Variants in PCDHA3 observed in about 807,000 individuals in gnomAD.
PCDHA3 encodes the protein protocadherin alpha 3.
A neutral mutation model predicts 62.2 loss-of-function variants in PCDHA3; 41 were observed. The ratio of observed to expected loss-of-function variants is 0.66; its 90% CI spans 0.51 to 0.86. The LOEUF (loss-of-function observed/expected upper bound fraction) is 0.86. PCDHA3 is among the 40% of genes least tolerant of loss of function. The pLI, the probability that PCDHA3 is intolerant of heterozygous loss-of-function variation, is 0.00. For synonymous variants in PCDHA3, 640 were observed against 555.4 expected (o/e 1.15, Z -2.14); for missense variants, 1,304 against 1,241.2 (o/e 1.05, Z -0.76).
chr5:140,836,312 G>T, intron 1 of PCDHA3: 1 of 1,613,712 alleles, frequency 6.2e-7, no homozygotes, highest in Middle Eastern at 1.6e-4. Flanking sequence ...CGGACGCACC[G>T]CGCCACCGCC....
chr5:140,871,393 C>T (rs782354799), intron 1 of PCDHA3: 1 of 1,614,130 alleles, frequency 6.2e-7, no homozygotes, highest in Non-Finnish European at 8.5e-7. Context: ...GGAGGGCCCA[C>T]CTAAGACGGA....
intron 1 of PCDHA3, among the ~76,000 whole-genome samples, chr5:140,901,384 T>C (rs2068629478): frequency 6.6e-6 from 1 of 152,226 alleles, no homozygotes. Flanking sequence ...TAATTCAATA[T>C]TTGTATATGG....
intron 1 of PCDHA3, chr5:140,806,877 T>C (rs142459590): frequency 0.01 from 4,278 of 408,060 alleles, 28 homozygotes; most frequent in Non-Finnish European, 0.013. Context: ...ACCACAGTAG[T>C]ACAAAATGTA....
chr5:140,830,377 G>A, intron 1 of PCDHA3: 2 of 1,614,174 alleles, frequency 1.2e-6, no homozygotes, highest in South Asian at 1.1e-5. Flanking sequence ...GCTCCGGGGA[G>A]GGCCCACCCA....
intron 1 of PCDHA3, chr5:140,858,086 C>T (rs1554151138): frequency 6.3e-7 from 1 of 1,597,802 alleles, no homozygotes; most frequent in Admixed American, 1.7e-5. Flanking sequence ...GGCCTCGTCG[C>T]GGGCTTCAGT....
At chr5:140,850,709 G>T in intron 1 of PCDHA3, 1 of 1,598,236 alleles carries the variant, frequency 6.3e-7, no homozygotes, top group East Asian at 2.2e-5. Context: ...GCAAGCCGAC[G>T]CTGGTGTGTT....
At chr5:140,987,588 A>G (rs1479484790) in intron 3 of PCDHA3, among the ~76,000 whole-genome samples, 1 of 152,220 alleles carries the variant, frequency 6.6e-6, no homozygotes, top group Non-Finnish European at 1.5e-5. Flanking sequence ...TGGGGAGAAT[A>G]GTGGTGTCTA....
chr5:140,926,585 G>T, intron 1 of PCDHA3: 1 of 283,896 alleles, frequency 3.5e-6, no homozygotes, highest in Non-Finnish European at 6.5e-6. Flanking sequence ...CACCTCTCGC[G>T]CCCGGGCGGG....
chr5:140,821,716 A>G, intron 1 of PCDHA3: 1 of 1,489,172 alleles, frequency 6.7e-7, no homozygotes, highest in South Asian at 1.3e-5. Flanking sequence ...TGGGAATTGA[A>G]TTTACAAAAT....
At chr5:140,974,350 C>T (rs555781549) in intron 1 of PCDHA3, among the ~76,000 whole-genome samples, 1 of 152,304 alleles carries the variant, frequency 6.6e-6, no homozygotes, top group South Asian at 2.1e-4. Flanking sequence ...GCATCCAGAA[C>T]TAAACAGACC....
Position 140,803,373 on chromosome 5 carries a change from C to G in PCDHA3, c.2176C>G (p.Pro726Ala). 1 of 1,614,218 alleles carries G rather than the reference C, an allele frequency of 6.2e-7. No homozygotes were observed. Among genetic ancestry groups the G allele is most frequent in the Non-Finnish European group, 8.5e-7 (1 of 1,180,038 alleles). ...LLYTALRCSA[P>A]PTEGDCGPGK... is the part of the protein sequence containing the mutation. ...ATATACTGCTCTGCGGTGCTCCGCG[C>G]CGCCAACCGAAGGCGACTGTGGGCC... Residue 726 changes from proline to alanine, a missense_variant, in exon 1 of 4, where the codon CCG (proline) becomes GCG (alanine). By Grantham distance (27) the Pro-to-Ala change is conservative. Coordinates refer to ENST00000522353, the MANE Select transcript of PCDHA3 (RefSeq NM_018906.3).
At chr5:140,926,178 G>GC (rs1221259064) in intron 1 of PCDHA3, among the ~76,000 whole-genome samples, 2 of 151,700 alleles carry the variant, frequency 1.3e-5, no homozygotes, top group Non-Finnish European at 2.9e-5. Flanking sequence ...AGCGCGGAAA[G>GC]CCCCCCGCAG....
chr5:140,863,782 C>T (rs570936581), intron 1 of PCDHA3: 24 of 228,258 alleles, frequency 1.1e-4, no homozygotes, highest in Non-Finnish European at 1.2e-4. Flanking sequence ...GCGGATCACT[C>T]GAGGCCAGGA....
At chr5:140,850,558 G>T (rs2150489293) in intron 1 of PCDHA3, 3 of 1,598,326 alleles carry the variant, frequency 1.9e-6, no homozygotes, top group Non-Finnish European at 2.6e-6. Flanking sequence ...GGTGCCACGG[G>T]CCCCGAGGTG....
At chr5:140,807,515 G>T in intron 1 of PCDHA3, 2 of 1,613,912 alleles carry the variant, frequency 1.2e-6, no homozygotes, top group Non-Finnish European at 1.7e-6. Context: ...GGAGGTGATC[G>T]TAGACAGGCC....
chr5:140,843,314 GT>G lies in PCDHA3; in HGVS notation c.2394+39725del, dbSNP rs2150357252. 6.3e-6 allele frequency: 10 copies of G among 1,596,084 alleles called. 1 individual carries two copies. The highest frequency in any genetic ancestry group is 8.6e-6 in the Non-Finnish European group (10 of 1,165,598). ...ACCTGCGCTGACCGCCACGGCCACGGTTCTGGTGTCGCTGGTGGAGAGCGGC... is the reference window on the plus strand; with the variant it reads ...ACCTGCGCTGACCGCCACGGCCACGGTCTGGTGTCGCTGGTGGAGAGCGGC... On this transcript the variant is annotated intron_variant, in intron 1 of 3. Transcript: ENST00000522353.
rs75377875 is a variant in PCDHA3 at position 140,902,598 on chromosome 5, C to T, written c.2395-76351C>T. The stretch of plus-strand genomic sequence containing the variant: ...ATTTCAATAGTTTTGGGAAACAGGT[C>T]GTTTTCAGTTACATGGGTAAGTTAT... On this transcript the variant is annotated intron_variant, in intron 1 of 3. Coordinates refer to ENST00000522353, the MANE Select transcript of PCDHA3 (RefSeq NM_018906.3). Among the ~76,000 whole-genome samples, 274 of 152,044 alleles carry T rather than the reference C, an allele frequency of 1.8e-3. 4 individuals are homozygous for T. In the East Asian group the frequency reaches 0.048, roughly 27 times the overall value.
rs1162515573 is a variant in PCDHA3, at chr5:140,941,250, T to C, written c.2395-37699T>C. 3.6e-5 allele frequency among the ~76,000 whole-genome samples: 5 copies of C among 139,366 alleles called. No homozygotes were observed. In the East Asian group the frequency reaches 1.0e-3, roughly 29 times the overall value. 91.4% of individuals were successfully genotyped at this position (139,366 alleles called of 152,430 possible). A position where few individuals can be genotyped will look rare whatever the true frequency, so the allele number is the denominator to read the frequency against. ...TTCTTTCTTTCTTTCTTTCTTTCTT[T>C]CTTTCTCTTTCTTTCTTTCTTTCCT... is the stretch of plus-strand genomic sequence containing the variant. On this transcript the variant is annotated intron_variant, in intron 1 of 3. Coordinates refer to ENST00000522353, the MANE Select transcript of PCDHA3 (RefSeq NM_018906.3).
intron 1 of PCDHA3, chr5:140,828,033 C>T (rs1769495169): frequency 2.0e-6 from 3 of 1,525,942 alleles, no homozygotes; most frequent in South Asian, 2.6e-5. Flanking sequence ...CCGGAACATA[C>T]AGTATTTTAT....
Sources: allele counts gnomAD v4.1 joint callset (sites outside exome capture counted in the v4.1 genomes callset), GRCh38; gene constraint gnomAD v4.1.1; transcripts MANE v1.5; gene names NCBI Gene and HGNC (gene_info 2026-07-23, HGNC 2026-07-21).